HLCS: variants seen among roughly 807,000 people sequenced by gnomAD.
HLCS encodes the protein holocarboxylase synthetase.
HLCS carries 53 observed loss-of-function variants against 75.0 expected under a neutral mutation model. That is an observed-to-expected ratio of 0.71 (90% CI 0.57 to 0.89). The LOEUF is 0.89. HLCS is among the 40% of genes least tolerant of loss of function. The pLI is 0.00. For missense variants in HLCS, 966 were observed against 1,074.0 expected (o/e 0.90, Z 1.41); for synonymous variants, 431 against 428.6 (o/e 1.01, Z -0.07).
chr21:36,866,694 CTT>C (rs2063568097), intron 6 of HLCS, among the ~76,000 whole-genome samples: 1 of 152,176 alleles, frequency 6.6e-6, no homozygotes, highest in African/African-American at 2.4e-5. Flanking sequence ...CAAAAGGTAA[CTT>C]TCATTTCCTT....
At chr21:36,857,933 A>G (rs2063253276) in intron 6 of HLCS, among the ~76,000 whole-genome samples, 2 of 151,832 alleles carry the variant, frequency 1.3e-5, no homozygotes, top group Non-Finnish European at 1.5e-5. Context: ...GGGACTACAG[A>G]CGTGAGGCAC....
intron 6 of HLCS, among the ~76,000 whole-genome samples, chr21:36,772,706 C>T (rs2060245714): frequency 6.6e-6 from 1 of 151,148 alleles, no homozygotes; most frequent in Non-Finnish European, 1.5e-5. Flanking sequence ...TGGAAGAGGC[C>T]GGGCGTGTTG....
chr21:36,811,858 T>G (rs1459633107), intron 6 of HLCS, among the ~76,000 whole-genome samples: 1 of 152,178 alleles, frequency 6.6e-6, no homozygotes, highest in Admixed American at 6.5e-5. Context: ...CAGCGGGGGC[T>G]GCAGCGGCTG....
chr21:36,819,021 C>A (rs2061746773), intron 6 of HLCS, among the ~76,000 whole-genome samples: 1 of 152,044 alleles, frequency 6.6e-6, no homozygotes, highest in Admixed American at 6.6e-5. Flanking sequence ...GATGCTAACG[C>A]CAGAAACACC....
intron 1 of HLCS, among the ~76,000 whole-genome samples, chr21:36,989,955 A>T (rs942161220): frequency 6.6e-6 from 1 of 151,988 alleles, no homozygotes; most frequent in Non-Finnish European, 1.5e-5. Flanking sequence ...CGAGGTCCCT[A>T]TGGCTGCTCC....
Position 36,890,969 on chromosome 21 carries a change from T to C in HLCS, c.1892+5891A>G, listed in dbSNP as rs866047761. Among the ~76,000 whole-genome samples the C allele has an allele frequency of 3.5e-4, 53 of 152,326 alleles. No homozygotes were observed. The Middle Eastern group carries it at 0.014, about 39-fold the overall frequency. ...GCCTGAGGCAGAATTCTAATTGTCT[T>C]CCAATGTCTACCAATGTCTACCCTC... is the stretch of plus-strand genomic sequence containing the variant. On this transcript the variant is annotated intron_variant, in intron 6 of 10. Coordinates refer to ENST00000674895, the MANE Select transcript of HLCS (RefSeq NM_001352514.2).
At chr21:36,815,270 C>G (rs2145977037) in intron 6 of HLCS, among the ~76,000 whole-genome samples, 1 of 152,228 alleles carries the variant, frequency 6.6e-6, no homozygotes, top group East Asian at 1.9e-4. Flanking sequence ...CTCAAATGAT[C>G]CACCTGCCTT....
intron 1 of HLCS, among the ~76,000 whole-genome samples, chr21:36,964,981 A>C (rs2068490510): frequency 6.6e-6 from 1 of 152,226 alleles, no homozygotes; most frequent in Non-Finnish European, 1.5e-5. Context: ...GTAATGCATG[A>C]ACTTCTTCCC....
chr21:36,893,883 T>C (rs1334174081), intron 6 of HLCS, among the ~76,000 whole-genome samples: 1 of 152,226 alleles, frequency 6.6e-6, no homozygotes, highest in African/African-American at 2.4e-5. Flanking sequence ...AAGCAGCAAC[T>C]GGAAGAGAAC....
At chr21:36,982,072 T>G (rs549726585) in intron 1 of HLCS, among the ~76,000 whole-genome samples, 7 of 152,306 alleles carry the variant, frequency 4.6e-5, no homozygotes, top group Admixed American at 1.3e-4. Context: ...TATGGTTGTT[T>G]TTTTTTTCTT....
upstream of HLCS, chr21:36,969,518 G>A (rs973639825): frequency 6.6e-6 from 1 of 151,998 alleles, no homozygotes; most frequent in Non-Finnish European, 1.5e-5. Flanking sequence ...CTGGGTCTGG[G>A]CTACTCTAGA....
chr21:36,903,839 T>A (rs1295695741), intron 5 of HLCS, among the ~76,000 whole-genome samples: 1 of 152,178 alleles, frequency 6.6e-6, no homozygotes, highest in Non-Finnish European at 1.5e-5. Context: ...CCCCCAATTA[T>A]ATGTTGATGG....
intron 6 of HLCS, among the ~76,000 whole-genome samples, chr21:36,793,801 T>C (rs79831412): frequency 2.2e-3 from 332 of 152,340 alleles, no homozygotes; most frequent in African/African-American, 7.5e-3. Flanking sequence ...GCTACATAAA[T>C]GGTCAGGCAT....
chr21:36,785,341 T>C (rs760597061), intron 6 of HLCS, among the ~76,000 whole-genome samples: 14 of 152,166 alleles, frequency 9.2e-5, no homozygotes, highest in Non-Finnish European at 2.9e-5. Context: ...GCTGGGTTTA[T>C]GGCCCCCGTG....
chr21:36,801,364 A>C (rs990228857), intron 6 of HLCS, among the ~76,000 whole-genome samples: 5 of 152,252 alleles, frequency 3.3e-5, no homozygotes, highest in African/African-American at 1.2e-4. Context: ...TCTCCAGCCC[A>C]AATCATCTGT....
At chr21:36,853,383 A>G (rs1601518674) in intron 6 of HLCS, among the ~76,000 whole-genome samples, 1 of 152,252 alleles carries the variant, frequency 6.6e-6, no homozygotes. Context: ...TGGAAGCGTA[A>G]AAACCTCCAT....
At position 36,752,385 on chromosome 21, in the gene HLCS, A is replaced by C. The variant is rs1183189535; in HGVS notation, c.*1861T>G. The C allele has an allele frequency of 6.6e-6, 1 of 152,570 alleles. No homozygotes were observed. The highest frequency in any genetic ancestry group is 1.5e-5 in the Non-Finnish European group (1 of 68,050). 9.5% of individuals were successfully genotyped at this position (152,570 alleles called of 1,614,324 possible). A position where few individuals can be genotyped will look rare whatever the true frequency, so the allele number is the denominator to read the frequency against. On this transcript the variant is annotated 3_prime_UTR_variant, in exon 11 of 11. Transcript: ENST00000674895. ...TAAAACAAAACATAGCATGTTTTTC[A>C]TTAAATAACCCCCAAAGAAATTCAA... is the stretch of plus-strand genomic sequence containing the variant.
At chr21:36,987,351 T>G (rs900229032) in intron 1 of HLCS, among the ~76,000 whole-genome samples, 4 of 152,164 alleles carry the variant, frequency 2.6e-5, no homozygotes, top group South Asian at 4.2e-4. Context: ...AGTGGCTCAC[T>G]CCTGTAATCC....
At chr21:36,832,409 C>A (rs1451837667) in intron 6 of HLCS, among the ~76,000 whole-genome samples, 7 of 152,168 alleles carry the variant, frequency 4.6e-5, no homozygotes, top group Non-Finnish European at 8.8e-5. Context: ...TTCTCTTTAA[C>A]ATGAGACTCA....
Sources: gnomAD v4.1 joint callset for allele counts (sites outside exome capture counted in the v4.1 genomes callset) on GRCh38, gnomAD v4.1.1 for gene constraint, MANE v1.5 for transcripts, NCBI Gene and HGNC (gene_info 2026-07-23, HGNC 2026-07-21) for gene names.